The following ADHFE1 variants were observed in gnomAD, a reference collection of about 807,000 sequenced individuals.
The protein encoded by ADHFE1 is hydroxyacid-oxoacid transhydrogenase, mitochondrial.
A neutral mutation model predicts 54.8 loss-of-function variants in ADHFE1; 37 were observed. The ratio of observed to expected loss-of-function variants is 0.68; its 90% confidence interval spans 0.52 to 0.89. The LOEUF (loss-of-function observed/expected upper bound fraction) is 0.89. Among genes scored for constraint, ADHFE1 ranks in the 40% least tolerant of loss-of-function variants. The pLI is 0.00. For synonymous variants in ADHFE1, 203 were observed against 229.3 expected (o/e 0.89, Z 1.04); for missense variants, 601 against 591.2 (o/e 1.02, Z -0.17).
chr8:66,456,066 G>A (rs1041677079), intron 10 of ADHFE1, among the ~76,000 whole-genome samples: 1 of 152,122 alleles, frequency 6.6e-6, no homozygotes, highest in African/African-American at 2.4e-5. Context: ...TTGAGCCCAG[G>A]AAGTCGAGGC....
intron 13 of ADHFE1, among the ~76,000 whole-genome samples, chr8:66,466,583 A>G (rs2130505562): frequency 7.0e-6 from 1 of 143,060 alleles, no homozygotes; most frequent in South Asian, 2.3e-4. Flanking sequence ...CATGCATTGT[A>G]CGGTATACTA....
At chr8:66,460,976 T>C (rs1383369324) in intron 13 of ADHFE1, among the ~76,000 whole-genome samples, 3 of 152,248 alleles carry the variant, frequency 2.0e-5, no homozygotes, top group African/African-American at 7.2e-5. Flanking sequence ...CATATCTGTG[T>C]CACTATGGGT....
Position 66,460,385 on chromosome 8 carries a change from C to A in ADHFE1, c.1240C>A (p.Leu414Met). Residue 414 changes from leucine (L) to methionine (M), a missense_variant, in exon 13 of 14, where the codon CTG becomes ATG. Physicochemically the swap from Leu to Met is conservative, Grantham distance 15. Transcript: ENST00000396623. ...ADTLRKFLFD[L>M]DVDDGLAAVG... ...CACGCTCCGGAAATTCTTATTCGAT[C>A]TGGATGTTGATGATGGCCTAGCAGC... The A allele has an allele frequency of 6.2e-7, 1 of 1,614,126 alleles. No homozygotes were observed. The highest frequency in any genetic ancestry group is 2.2e-5 in the East Asian group (1 of 44,888).
intron 2 of ADHFE1, among the ~76,000 whole-genome samples, chr8:66,440,805 C>A (rs1490872942): frequency 6.6e-6 from 1 of 152,182 alleles, no homozygotes; most frequent in African/African-American, 2.4e-5. Context: ...ATTACTGACA[C>A]AACCACTGAT....
At chr8:66,460,261 G>T in intron 12 of ADHFE1, 47 bp from the exon 13 acceptor site, 1 of 1,608,208 alleles carries the variant, frequency 6.2e-7, no homozygotes. Context: ...TCCACCCAGA[G>T]CCCGTTTCTT....
chr8:66,454,147 G>A lies in ADHFE1; in HGVS notation c.976G>A (p.Val326Ile). 1.2e-6 allele frequency: 2 copies of A among 1,614,044 alleles called. No individual in the cohort carries two copies. The highest frequency in any genetic ancestry group is 2.2e-5 in the East Asian group (1 of 44,878). ...FAGIGFGNAG[V>I]HLCHGMSYPI... ...TGGCATCGGCTTTGGAAATGCTGGT[G>A]TTCATCTGTGGTGAGCAAGTCTGAG... Residue 326 changes from valine (V) to isoleucine (I), a missense_variant, in exon 10 of 14, where the codon GTT becomes ATT. By Grantham distance (29) the Val-to-Ile change is conservative. Transcript: ENST00000396623.
intron 1 of ADHFE1, among the ~76,000 whole-genome samples, chr8:66,434,140 G>A (rs1030997512): frequency 6.6e-6 from 1 of 152,224 alleles, no homozygotes. Flanking sequence ...AGGTTGGTTA[G>A]AATCCACAGG....
At chr8:66,433,660 T>C (rs1805317966) in intron 1 of ADHFE1, among the ~76,000 whole-genome samples, 1 of 152,224 alleles carries the variant, frequency 6.6e-6, no homozygotes, top group South Asian at 2.1e-4. Flanking sequence ...GGAATTTGAA[T>C]TGTGTGCTGT....
intron 1 of ADHFE1, 124 bp downstream of exon 1, chr8:66,432,699 A>G: frequency 3.2e-6 from 4 of 1,234,640 alleles, no homozygotes; most frequent in Non-Finnish European, 4.0e-6. Context: ...GAATTTGGAT[A>G]CCGCCCTGGG....
chr8:66,451,471 A>C (rs957853514), intron 8 of ADHFE1, among the ~76,000 whole-genome samples: 3 of 152,176 alleles, frequency 2.0e-5, no homozygotes, highest in Admixed American at 1.3e-4. Context: ...CAGGATTGAC[A>C]TCTGGGCAGC....
At chr8:66,446,720 T>C (rs1401055823) in intron 6 of ADHFE1, among the ~76,000 whole-genome samples, 1 of 152,244 alleles carries the variant, frequency 6.6e-6, no homozygotes, top group Non-Finnish European at 1.5e-5. Flanking sequence ...ACATGCATAT[T>C]AAACACACAT....
At chr8:66,449,019 G>A in intron 8 of ADHFE1, 49 bp downstream of exon 8, 1 of 1,505,732 alleles carries the variant, frequency 6.6e-7, no homozygotes, top group Non-Finnish European at 9.2e-7. Flanking sequence ...TGGGTCTATG[G>A]ATAGTATTTT....
chr8:66,459,680 GCTGGTT>G (rs1321108495), intron 12 of ADHFE1: 1 of 152,068 alleles, frequency 6.6e-6, no homozygotes, highest in Non-Finnish European at 1.5e-5. Context: ...GTCCTGCCCA[GCTGGTT>G]CTATAATATT....
intron 2 of ADHFE1, among the ~76,000 whole-genome samples, chr8:66,441,224 CAG>C (rs1308236116): frequency 1.3e-5 from 2 of 152,092 alleles, no homozygotes; most frequent in Non-Finnish European, 2.9e-5. Context: ...AATTTAGTAA[CAG>C]AAATATTAGA....
chr8:66,463,531 C>T (rs1807014099), intron 13 of ADHFE1, among the ~76,000 whole-genome samples: 1 of 152,130 alleles, frequency 6.6e-6, no homozygotes, highest in African/African-American at 2.4e-5. Flanking sequence ...TGTGTATATT[C>T]ACAGATCGAT....
At chr8:66,443,264 A>ATTTTTTTTT (rs540464621) in intron 3 of ADHFE1, among the ~76,000 whole-genome samples, 1,194 of 86,044 alleles carry the variant, frequency 0.014, 169 homozygotes, top group Non-Finnish European at 0.019. Flanking sequence ...TAGTCCAGGA[A>ATTTTTTTTT]TTTTTTTTTT....
At chr8:66,467,100 CCT>C (rs915039964) in intron 13 of ADHFE1, among the ~76,000 whole-genome samples, 1 of 152,118 alleles carries the variant, frequency 6.6e-6, no homozygotes, top group Non-Finnish European at 1.5e-5. Flanking sequence ...TGGAAACAGA[CCT>C]TTCAGGAAGC....
At chr8:66,432,703 C>T in intron 1 of ADHFE1, 128 bp downstream of exon 1, 1 of 1,233,644 alleles carries the variant, frequency 8.1e-7, no homozygotes, top group Non-Finnish European at 1.0e-6. Flanking sequence ...TTGGATACCG[C>T]CCTGGGCTCC....
chr8:66,464,665 C>G (rs141861409), intron 13 of ADHFE1, among the ~76,000 whole-genome samples: 2 of 152,192 alleles, frequency 1.3e-5, no homozygotes. Context: ...GTCCCTCTAT[C>G]CTTTCTTCCT....
Sources: gnomAD v4.1 joint callset for allele counts (sites outside exome capture counted in the v4.1 genomes callset) on GRCh38, gnomAD v4.1.1 for gene constraint, MANE v1.5 for transcripts, NCBI Gene and HGNC (gene_info 2026-07-23, HGNC 2026-07-21) for gene names.